FMO1: variants seen among roughly 807,000 people sequenced by gnomAD.
FMO1 encodes flavin containing dimethylaniline monoxygenase 1, also known as flavin-containing monooxygenase 1.
FMO1 carries 36 observed loss-of-function variants against 45.4 expected under a neutral mutation model. The ratio of observed to expected loss-of-function variants is 0.79; its 90% CI spans 0.61 to 1.05. FMO1 has a LOEUF of 1.05. Ranked by LOEUF, FMO1 falls within the 50% of genes least tolerant of loss-of-function variation. FMO1 has a pLI of 0.00. For missense variants in FMO1, 615 were observed against 640.3 expected (o/e 0.96, Z 0.43); for synonymous variants, 228 against 227.2 (o/e 1.00, Z -0.03).
Position 171,258,354 on chromosome 1 carries a change from A to G in FMO1, c.132+135A>G, listed in dbSNP as rs917074412. On this transcript the variant is annotated intron_variant, in intron 2 of 8. Coordinates refer to ENST00000617670, the MANE Select transcript of FMO1 (RefSeq NM_001282693.2). ...AATGTCTGCTGAACAGGGGACCATG[A>G]GGAGCCACTGAAATTGTAAAAGAAA... 8.9e-6 allele frequency: 9 copies of G among 1,007,492 alleles called. No individual in the cohort carries two copies. In the African/African-American group the frequency reaches 1.5e-4, roughly 16 times the overall value. 62.4% of individuals were successfully genotyped at this position (1,007,492 alleles called of 1,614,324 possible).
At chr1:171,282,424 T>C in intron 7 of FMO1, 91 bp downstream of exon 7, 1 of 785,006 alleles carries the variant, frequency 1.3e-6, no homozygotes, top group Non-Finnish European at 2.0e-6. Context: ...CTCCTGCTTC[T>C]ATTTAAAATA....
At chr1:171,283,283 AAAAAAAAAAAAAAAGGAAATG>A (rs1661461703) in intron 8 of FMO1, 67 bp downstream of exon 8, 1 of 627,380 alleles carries the variant, frequency 1.6e-6, no homozygotes, top group Non-Finnish European at 2.5e-6. Flanking sequence ...AAAAAAAAAA[AAAAAAAAAAAAAAAGGAAATG>A]AAAAAGAAAA....
intron 7 of FMO1, 72 bp downstream of exon 7, chr1:171,282,405 C>T (rs1394774437): frequency 2.2e-6 from 2 of 924,838 alleles, no homozygotes; most frequent in Admixed American, 2.5e-5. Context: ...AATGTTGAGA[C>T]TATTATTCCT....
intron 4 of FMO1, 123 bp downstream of exon 4, chr1:171,275,631 G>T: frequency 9.1e-6 from 6 of 656,520 alleles, no homozygotes; most frequent in Admixed American, 3.3e-5. Flanking sequence ...GGTAGGAGGA[G>T]GCTTTTTTTG....
intron 7 of FMO1, chr1:171,282,934 G>C: frequency 2.3e-6 from 1 of 430,668 alleles, no homozygotes; most frequent in South Asian, 6.7e-5. Context: ...TAATTAGTGA[G>C]ATGACCAGAT....
chr1:171,279,313 G>T (rs911368427), intron 5 of FMO1, among the ~76,000 whole-genome samples: 5 of 152,048 alleles, frequency 3.3e-5, no homozygotes, highest in African/African-American at 1.2e-4. Context: ...TGTAGAAATA[G>T]TTAATATTTA....
At chr1:171,260,141 G>T (rs1020339282) in intron 2 of FMO1, among the ~76,000 whole-genome samples, 2 of 152,134 alleles carry the variant, frequency 1.3e-5, no homozygotes, top group Non-Finnish European at 2.9e-5. Flanking sequence ...TAGCTTTTTG[G>T]TGCATAAGGT....
chr1:171,279,230 T>G (rs1408663935), intron 5 of FMO1, among the ~76,000 whole-genome samples: 1 of 152,122 alleles, frequency 6.6e-6, no homozygotes, highest in African/African-American at 2.4e-5. Context: ...CCTCTCCTTA[T>G]TAATTACCAA....
In FMO1 at chr1:171,258,219, C is replaced by A. The variant is rs764588544; in HGVS notation, c.132C>A (p.Thr44=). 12 of 1,613,804 alleles carry A rather than the reference C, an allele frequency of 7.4e-6. No homozygotes were observed. The highest frequency in any genetic ancestry group is 9.3e-6 in the Non-Finnish European group (11 of 1,179,900). ...ACCTTGGGGGGCTGTGGAGATTCAC[C>A]GTAAGTGGGGTTTCAACAACTTTAT... ...SDDLGGLWRF[T]EHVEEGRASL... The change falls in exon 2 of 9, where the codon ACC becomes ACA. Residue 44 remains threonine (T), a splice_region_variant and synonymous_variant. Coordinates refer to ENST00000617670, the MANE Select transcript of FMO1 (RefSeq NM_001282693.2).
chr1:171,267,460 G>A, intron 2 of FMO1, 83 bp from the exon 3 acceptor site: 1 of 869,768 alleles, frequency 1.1e-6, no homozygotes, highest in Non-Finnish European at 1.8e-6. Context: ...CAATGATACT[G>A]TGTGCATCTG....
chr1:171,274,545 A>G (rs962977449), intron 3 of FMO1, among the ~76,000 whole-genome samples: 1 of 152,190 alleles, frequency 6.6e-6, no homozygotes, highest in Non-Finnish European at 1.5e-5. Flanking sequence ...CTGAAAATTT[A>G]CTTTTAGAAA....
At chr1:171,266,830 C>T (rs1028021782) in intron 2 of FMO1, among the ~76,000 whole-genome samples, 1 of 152,180 alleles carries the variant, frequency 6.6e-6, no homozygotes, top group African/African-American at 2.4e-5. Context: ...AAGACAGAGG[C>T]AATGTATATT....
intron 1 of FMO1, 51 bp from the exon 2 acceptor site, chr1:171,258,031 G>C (rs764790898): frequency 1.9e-6 from 3 of 1,609,764 alleles, no homozygotes; most frequent in Non-Finnish European, 8.5e-7. Context: ...GAGCAGCCAA[G>C]GGTGGGGTGG....
chr1:171,258,165 G>A lies in FMO1; in HGVS notation c.78G>A (p.Leu26=), dbSNP rs539818166. ...TCAAGTGCTGTCTGGAAGAAGGACT[G>A]GAGCCCACCTGCTTTGAGAGGAGCG... ...ASIKCCLEEG[L]EPTCFERSDD... Residue 26 remains leucine, a synonymous_variant, in exon 2 of 9, where the codon CTG becomes CTA. Coordinates refer to ENST00000617670, the MANE Select transcript of FMO1 (RefSeq NM_001282693.2). 3 of 1,614,186 alleles carry A rather than the reference G, an allele frequency of 1.9e-6. No homozygotes were observed. Among genetic ancestry groups the A allele is most frequent in the African/African-American group, 1.3e-5 (1 of 75,064 alleles).
At chr1:171,249,195 T>C (rs1659767556) in intron 1 of FMO1, among the ~76,000 whole-genome samples, 1 of 152,140 alleles carries the variant, frequency 6.6e-6, no homozygotes, top group Admixed American at 6.5e-5. Flanking sequence ...TTCCATGTGA[T>C]TGGCACATCT....
intron 3 of FMO1, 57 bp downstream of exon 3, chr1:171,267,788 A>C (rs28360382): frequency 1.5e-6 from 2 of 1,365,472 alleles, no homozygotes; most frequent in Admixed American, 1.8e-5. Context: ...ATTTTCTCTT[A>C]TCTCTCCAGC....
At chr1:171,269,085 C>T (rs571532563) in intron 3 of FMO1, among the ~76,000 whole-genome samples, 96 of 152,318 alleles carry the variant, frequency 6.3e-4, no homozygotes, top group Non-Finnish European at 1.1e-3. Context: ...CCACAAGGAA[C>T]TGTGAGTTCT....
intron 2 of FMO1, among the ~76,000 whole-genome samples, chr1:171,263,529 T>C (rs1387693219): frequency 1.3e-5 from 2 of 152,008 alleles, no homozygotes; most frequent in Admixed American, 6.5e-5. Context: ...CCAGTGGTGA[T>C]GGTGACCTCC....
At position 171,280,965 on chromosome 1, in the gene FMO1, C is replaced by T. The variant is rs776023418; in HGVS notation, c.807C>T (p.Tyr269=). ...ACAACTGGCTCAATCATGCAAATTA[C>T]GGCTTAATACCAGAAGACAGGTAAA... ...KINNWLNHAN[Y]GLIPEDRTQL... is the part of the protein sequence containing the mutation. Residue 269 remains tyrosine (Y), a synonymous_variant, in exon 6 of 9, where the codon TAC becomes TAT. Transcript: ENST00000617670. 2.5e-5 allele frequency: 40 copies of T among 1,613,530 alleles called. No homozygotes were observed. The highest frequency in any genetic ancestry group is 1.2e-4 in the South Asian group (11 of 91,078).
Sources: gnomAD v4.1 joint callset for allele counts (sites outside exome capture counted in the v4.1 genomes callset) on GRCh38, gnomAD v4.1.1 for gene constraint, MANE v1.5 for transcripts, NCBI Gene and HGNC (gene_info 2026-07-23, HGNC 2026-07-21) for gene names.